CDH13: variants seen among roughly 807,000 people sequenced by gnomAD.
CDH13 encodes cadherin-13.
Under a neutral mutation model 63.8 loss-of-function variants are expected in CDH13, and 24 were observed. The ratio of observed to expected loss-of-function variants is 0.38; its 90% confidence interval spans 0.27 to 0.53. CDH13 has a LOEUF of 0.53. Ranked by LOEUF, CDH13 falls within the 20% of genes least tolerant of loss-of-function variation. CDH13 has a pLI of 0.85. For missense variants in CDH13, 1,049 were observed against 903.1 expected (o/e 1.16, Z -2.07); for synonymous variants, 503 against 355.3 (o/e 1.42, Z -4.67).
intron 7 of CDH13, among the ~76,000 whole-genome samples, chr16:83,527,354 C>T (rs2074987852): frequency 6.6e-6 from 1 of 151,596 alleles, no homozygotes; most frequent in African/African-American, 2.4e-5. Flanking sequence ...GAGGCTGAGG[C>T]AGGAGAATGG....
chr16:83,621,243 C>T (rs1380594948), intron 8 of CDH13, among the ~76,000 whole-genome samples: 1 of 152,128 alleles, frequency 6.6e-6, no homozygotes, highest in Non-Finnish European at 1.5e-5. Flanking sequence ...GCATTTCTGC[C>T]GGATTCAGTG....
intron 5 of CDH13, among the ~76,000 whole-genome samples, chr16:83,275,967 C>G (rs1178108392): frequency 1.3e-5 from 2 of 152,034 alleles, no homozygotes; most frequent in Non-Finnish European, 2.9e-5. Flanking sequence ...ATAATGAAGA[C>G]TACAGATTAA....
intron 2 of CDH13, among the ~76,000 whole-genome samples, chr16:82,982,227 A>ACC (rs1910360179): frequency 6.6e-6 from 1 of 152,156 alleles, no homozygotes; most frequent in Non-Finnish European, 1.5e-5. Flanking sequence ...CTGTAAAATA[A>ACC]GAATTTCTTC....
chr16:82,743,473 C>G (rs1248052419), intron 1 of CDH13, among the ~76,000 whole-genome samples: 2 of 152,194 alleles, frequency 1.3e-5, no homozygotes, highest in African/African-American at 4.8e-5. Context: ...CCCACTTCAG[C>G]CTCCCAAAAT....
intron 6 of CDH13, among the ~76,000 whole-genome samples, chr16:83,386,471 C>T (rs1004782897): frequency 1.3e-5 from 2 of 152,164 alleles, no homozygotes; most frequent in African/African-American, 4.8e-5. Context: ...GATGTATGCT[C>T]TTCTAGGATG....
At chr16:82,716,383 G>A (rs1273399167) in intron 1 of CDH13, among the ~76,000 whole-genome samples, 1 of 151,896 alleles carries the variant, frequency 6.6e-6, no homozygotes, top group Non-Finnish European at 1.5e-5. Context: ...AATTAGAGAT[G>A]GCTTCAGGTT....
chr16:83,262,772 G>A (rs1463948050), intron 5 of CDH13, among the ~76,000 whole-genome samples: 1 of 152,184 alleles, frequency 6.6e-6, no homozygotes, highest in South Asian at 2.1e-4. Context: ...TACCAACAGT[G>A]TTTCTTTGGC....
At chr16:83,137,278 A>G (rs1011094790) in intron 4 of CDH13, among the ~76,000 whole-genome samples, 2 of 151,976 alleles carry the variant, frequency 1.3e-5, no homozygotes, top group Non-Finnish European at 2.9e-5. Context: ...AAGCTCCACC[A>G]CTCTTCTCCT....
At chr16:83,020,575 A>C (rs971137882) in intron 2 of CDH13, among the ~76,000 whole-genome samples, 1 of 152,208 alleles carries the variant, frequency 6.6e-6, no homozygotes, top group Non-Finnish European at 1.5e-5. Context: ...ACAAAATAAC[A>C]GTGCTTGAAA....
At chr16:83,567,892 G>A (rs1032840743) in intron 7 of CDH13, among the ~76,000 whole-genome samples, 1 of 152,198 alleles carries the variant, frequency 6.6e-6, no homozygotes, top group African/African-American at 2.4e-5. Context: ...ACCACGCCCG[G>A]CCTAGACACA....
At chr16:83,336,577 G>C (rs1482542281) in intron 5 of CDH13, among the ~76,000 whole-genome samples, 1 of 152,196 alleles carries the variant, frequency 6.6e-6, no homozygotes, top group Non-Finnish European at 1.5e-5. Context: ...TGTGTGATTT[G>C]AAAACTTACA....
chr16:82,970,275 T>G lies in CDH13; in HGVS notation c.158-61735T>G, dbSNP rs535695173. 2.0e-5 allele frequency among the ~76,000 whole-genome samples: 3 copies of G among 152,240 alleles called. No individual in the cohort carries two copies. The South Asian group carries it at 6.2e-4, about 32-fold the overall frequency. ...ACAGGAACTCATCCTTTTTTATGGC[T>G]GCATAGTATTCCCTGGTATATATGT... On this transcript the variant is annotated intron_variant, in intron 2 of 13. Transcript: ENST00000567109.
At chr16:83,000,627 T>C (rs1912817244) in intron 2 of CDH13, among the ~76,000 whole-genome samples, 2 of 150,236 alleles carry the variant, frequency 1.3e-5, no homozygotes, top group Admixed American at 6.7e-5. Flanking sequence ...TCTCGTTCTG[T>C]TGCCCAGGCT....
chr16:82,808,657 C>G (rs1171294758), intron 1 of CDH13, among the ~76,000 whole-genome samples: 1 of 152,088 alleles, frequency 6.6e-6, no homozygotes, highest in Non-Finnish European at 1.5e-5. Flanking sequence ...GGAAAGGCTT[C>G]TAGTGTTTGA....
chr16:82,720,622 A>T (rs1436272851), intron 1 of CDH13, among the ~76,000 whole-genome samples: 1 of 151,822 alleles, frequency 6.6e-6, no homozygotes, highest in East Asian at 1.9e-4. Flanking sequence ...ACCCACACAA[A>T]CATGGGGAGA....
intron 6 of CDH13, among the ~76,000 whole-genome samples, chr16:83,402,057 A>G (rs1031072392): frequency 5.9e-5 from 9 of 152,088 alleles, no homozygotes; most frequent in Admixed American, 1.3e-4. Flanking sequence ...TTCTCATTGT[A>G]TACTTCCTTG....
chr16:82,975,271 G>A (rs1171785959), intron 2 of CDH13, among the ~76,000 whole-genome samples: 1 of 152,202 alleles, frequency 6.6e-6, no homozygotes, highest in Non-Finnish European at 1.5e-5. Flanking sequence ...CTCCCAAGGG[G>A]CTACATGGAG....
chr16:82,877,059 A>T (rs1381622958), intron 2 of CDH13, among the ~76,000 whole-genome samples: 1 of 152,216 alleles, frequency 6.6e-6, no homozygotes. Flanking sequence ...CACTTCCATA[A>T]GGGCAAATAC....
At position 83,616,040 on chromosome 16, in the gene CDH13, G is replaced by C. The variant is rs80009914; in HGVS notation, c.1101+13446G>C. 1.2e-3 allele frequency among the ~76,000 whole-genome samples: 182 copies of C among 152,248 alleles called. 1 individual carries two copies. Among genetic ancestry groups the C allele is most frequent in the African/African-American group, 4.3e-3 (178 of 41,548 alleles). Reference sequence around the variant, plus strand: ...TGCCGCTGAATGTTTTTGAATAAAAGAGAGTGAAGGGAAACGTTTGTACAA... The same window carrying C: ...TGCCGCTGAATGTTTTTGAATAAAACAGAGTGAAGGGAAACGTTTGTACAA... On this transcript the variant is annotated intron_variant, in intron 8 of 13. Transcript: ENST00000567109.
Sources: gnomAD v4.1 joint callset for allele counts (sites outside exome capture counted in the v4.1 genomes callset) on GRCh38, gnomAD v4.1.1 for gene constraint, MANE v1.5 for transcripts, NCBI Gene and HGNC (gene_info 2026-07-23, HGNC 2026-07-21) for gene names.